The following TMTC2 variants were observed in gnomAD, a reference collection of about 807,000 sequenced individuals.
TMTC2 encodes transmembrane O-mannosyltransferase targeting cadherins 2, also known as protein O-mannosyl-transferase TMTC2.
A neutral mutation model predicts 82.4 loss-of-function variants in TMTC2; 43 were observed. The ratio of observed to expected loss-of-function variants is 0.52; its 90% confidence interval spans 0.41 to 0.67. The LOEUF (loss-of-function observed/expected upper bound fraction) is 0.67. Among genes scored for constraint, TMTC2 ranks in the 30% least tolerant of loss-of-function variants. The pLI is 0.00. For missense variants in TMTC2, 919 were observed against 1,012.4 expected, an observed-to-expected ratio of 0.91 and a Z score of 1.25; for synonymous variants, 408 against 381.9, an observed-to-expected ratio of 1.07 and a Z score of -0.80.
chr12:82,868,293 T>A (rs1228594798), intron 2 of TMTC2, among the ~76,000 whole-genome samples: 1 of 152,214 alleles, frequency 6.6e-6, no homozygotes, highest in African/African-American at 2.4e-5. Context: ...GAATGCATGC[T>A]GAACTGTCAA....
chr12:82,813,100 C>T (rs1220479957), intron 1 of TMTC2, among the ~76,000 whole-genome samples: 2 of 151,224 alleles, frequency 1.3e-5, no homozygotes, highest in East Asian at 1.9e-4. Context: ...TAGTGTTTAT[C>T]TGTATCTCTT....
intron 11 of TMTC2, among the ~76,000 whole-genome samples, chr12:83,121,779 G>A (rs2137561512): frequency 6.6e-6 from 1 of 152,206 alleles, no homozygotes; most frequent in Non-Finnish European, 1.5e-5. Flanking sequence ...TTGGTTGGGG[G>A]CAGGGCTAGG....
intron 11 of TMTC2, among the ~76,000 whole-genome samples, chr12:83,127,298 A>C (rs1885125562): frequency 6.6e-6 from 1 of 152,176 alleles, no homozygotes; most frequent in African/African-American, 2.4e-5. Flanking sequence ...AATTTTAGCA[A>C]CATGAATAAA....
chr12:83,107,091 T>C (rs865807339), intron 11 of TMTC2, among the ~76,000 whole-genome samples: 1 of 152,224 alleles, frequency 6.6e-6, no homozygotes, highest in Non-Finnish European at 1.5e-5. Context: ...TGTTCATGTA[T>C]TGACTGAGGA....
At chr12:82,693,891 C>A (rs1024357289) in intron 1 of TMTC2, among the ~76,000 whole-genome samples, 3 of 146,268 alleles carry the variant, frequency 2.1e-5, no homozygotes, top group Non-Finnish European at 4.4e-5. Flanking sequence ...TCTCTTGAAA[C>A]TGGAAGGCGG....
intron 8 of TMTC2, among the ~76,000 whole-genome samples, chr12:83,023,094 AT>A (rs1881006574): frequency 6.6e-6 from 1 of 152,182 alleles, no homozygotes; most frequent in African/African-American, 2.4e-5. Flanking sequence ...AATGCTTTTC[AT>A]ATGTGTCAAA....
chr12:82,937,772 A>ATGTGTGTG (rs1565818367), intron 4 of TMTC2, among the ~76,000 whole-genome samples: 9 of 22,716 alleles, frequency 4.0e-4, no homozygotes, highest in African/African-American at 1.1e-3. Flanking sequence ...ATATATATAT[A>ATGTGTGTG]TATATATATA....
At chr12:82,932,621 T>C (rs1162215638) in intron 4 of TMTC2, among the ~76,000 whole-genome samples, 1 of 152,184 alleles carries the variant, frequency 6.6e-6, no homozygotes, top group Admixed American at 6.5e-5. Context: ...GTTTAATGTA[T>C]TCACACATAT....
intron 8 of TMTC2, among the ~76,000 whole-genome samples, chr12:82,998,005 A>C (rs571780922): frequency 6.6e-6 from 1 of 152,292 alleles, no homozygotes; most frequent in South Asian, 2.1e-4. Context: ...TAAGATACCA[A>C]ACTGAAAGGG....
At chr12:82,902,320 C>T (rs1247363835) in intron 3 of TMTC2, among the ~76,000 whole-genome samples, 3 of 152,130 alleles carry the variant, frequency 2.0e-5, no homozygotes, top group African/African-American at 7.2e-5. Context: ...TAGCCTCCAG[C>T]AGCTTGTCAA....
At chr12:82,950,800 T>C (rs1245749306) in intron 4 of TMTC2, among the ~76,000 whole-genome samples, 1 of 152,220 alleles carries the variant, frequency 6.6e-6, no homozygotes, top group African/African-American at 2.4e-5. Context: ...GAAAAACTCA[T>C]ATAAAAATTA....
At chr12:83,104,378 C>T (rs571079726) in intron 11 of TMTC2, among the ~76,000 whole-genome samples, 2 of 152,340 alleles carry the variant, frequency 1.3e-5, no homozygotes, top group Non-Finnish European at 2.9e-5. Flanking sequence ...GGCCCCACCC[C>T]TAAAGCAGGC....
At chr12:83,080,387 G>C (rs555586193) in intron 11 of TMTC2, among the ~76,000 whole-genome samples, 59 of 151,076 alleles carry the variant, frequency 3.9e-4, no homozygotes, top group South Asian at 2.9e-3. Flanking sequence ...CTCTCTCTCT[G>C]TGTGTGTGTG....
intron 1 of TMTC2, among the ~76,000 whole-genome samples, chr12:82,793,964 G>C (rs565251292): frequency 1.3e-5 from 2 of 152,236 alleles, no homozygotes; most frequent in African/African-American, 4.8e-5. Context: ...TTGATCCCTA[G>C]GGACGTTTTT....
chr12:82,950,867 G>A (rs955957019), intron 4 of TMTC2, among the ~76,000 whole-genome samples: 13 of 151,994 alleles, frequency 8.6e-5, no homozygotes, highest in African/African-American at 3.1e-4. Flanking sequence ...AACGTTTTTG[G>A]CAATCCATCT....
chr12:83,050,606 T>C (rs543583127), intron 9 of TMTC2, among the ~76,000 whole-genome samples: 1 of 152,206 alleles, frequency 6.6e-6, no homozygotes, highest in Admixed American at 6.5e-5. Context: ...GTAATAACAA[T>C]GGAAATCAGC....
intron 1 of TMTC2, among the ~76,000 whole-genome samples, chr12:82,741,356 G>C (rs914632429): frequency 6.6e-6 from 1 of 152,132 alleles, no homozygotes; most frequent in African/African-American, 2.4e-5. Context: ...TGTTGCCCAG[G>C]CTGGAGTGCA....
intron 1 of TMTC2, among the ~76,000 whole-genome samples, chr12:82,749,201 G>C (rs1239667726): frequency 2.0e-5 from 3 of 152,220 alleles, no homozygotes; most frequent in Admixed American, 2.0e-4. Context: ...GAGTTAAAGT[G>C]GGTGGTTCTC....
intron 1 of TMTC2, among the ~76,000 whole-genome samples, chr12:82,765,298 A>G (rs1233257370): frequency 6.6e-6 from 1 of 152,196 alleles, no homozygotes; most frequent in Non-Finnish European, 1.5e-5. Context: ...ATATGTATCA[A>G]GTGTTTAGTC....
Sources: gnomAD v4.1 joint callset for allele counts (sites outside exome capture counted in the v4.1 genomes callset) on GRCh38, gnomAD v4.1.1 for gene constraint, MANE v1.5 for transcripts, NCBI Gene and HGNC (gene_info 2026-07-23, HGNC 2026-07-21) for gene names.